FGD4: variants seen among roughly 807,000 people sequenced by gnomAD.
FGD4 encodes FYVE, RhoGEF and PH domain containing 4.
In FGD4, 42 loss-of-function variants were observed where a neutral mutation model predicts 102.0. The ratio of observed to expected loss-of-function variants is 0.41; its 90% confidence interval spans 0.32 to 0.53. FGD4 has a LOEUF of 0.53. Among genes scored for constraint, FGD4 ranks in the 20% least tolerant of loss-of-function variants. The pLI is 0.21. For synonymous variants in FGD4, 380 were observed against 375.7 expected (o/e 1.01, Z -0.13); for missense variants, 902 against 1,078.2 (o/e 0.84, Z 2.29).
At chr12:32,524,823 CAA>C (rs58484492) in intron 1 of FGD4, among the ~76,000 whole-genome samples, 36,863 of 126,436 alleles carry the variant, frequency 0.29, 5,125 homozygotes, top group Middle Eastern at 0.52. Flanking sequence ...GACACTGTTT[CAA>C]AAAAAAAAAA....
At position 32,561,088 on chromosome 12, in the gene FGD4, T is replaced by TG. The variant is rs1555203490; in HGVS notation, c.167-3049_167-3048insG. Among the ~76,000 whole-genome samples, 1,172 of 124,030 alleles carry TG rather than the reference T, an allele frequency of 9.4e-3. 26 individuals carry two copies. Among genetic ancestry groups the TG allele is most frequent in the African/African-American group, 0.033 (1,098 of 33,058 alleles). The allele number at this position is 124,030 out of a possible 152,430, so 81.4% of individuals were successfully genotyped here. A position where few individuals can be genotyped will look rare whatever the true frequency, so the allele number is the denominator to read the frequency against. On this transcript the variant is annotated intron_variant, in intron 1 of 16. Transcript: ENST00000534526. ...TTGTTGGGTTTTGTTTTTTTTTTTT[T>TG]TTTTTTTTTTTTTGAGATGGAGTTT...
chr12:32,621,342 G>A (rs1237462179), intron 11 of FGD4, among the ~76,000 whole-genome samples: 1 of 152,052 alleles, frequency 6.6e-6, no homozygotes, highest in Admixed American at 6.6e-5. Context: ...CTAATGCATG[G>A]CCTGGTAAAA....
chr12:32,460,806 A>T (rs1943083856), intron 1 of FGD4, among the ~76,000 whole-genome samples: 1 of 152,226 alleles, frequency 6.6e-6, no homozygotes, highest in Admixed American at 6.5e-5. Context: ...TTGCCATTTT[A>T]TAGTCAGCAA....
chr12:32,598,666 A>C lies in FGD4; in HGVS notation c.1101+80A>C. Reference sequence around the variant, plus strand: ...ACCTAGTAATTAGAGTATTTTAGAAACTGCATGAAGGAAGGGCCTGTTTTT... The same window carrying C: ...ACCTAGTAATTAGAGTATTTTAGAACCTGCATGAAGGAAGGGCCTGTTTTT... On this transcript the variant is annotated intron_variant, in intron 5 of 16. Coordinates refer to ENST00000534526, the MANE Select transcript of FGD4 (RefSeq NM_001370298.3). The C allele has an allele frequency of 2.5e-6, 3 of 1,220,734 alleles. No homozygotes were observed. In the South Asian group the frequency reaches 3.7e-5, roughly 15 times the overall value. The allele number at this position is 1,220,734 out of a possible 1,614,324, so 75.6% of individuals were successfully genotyped here.
At chr12:32,564,055 G>A in intron 1 of FGD4, 82 bp from the exon 2 acceptor site, 3 of 1,323,270 alleles carry the variant, frequency 2.3e-6, no homozygotes, top group Non-Finnish European at 3.0e-6. Context: ...GAGAGGGAGT[G>A]GGAGAGGGGA....
chr12:32,599,948 G>A (rs946248184), intron 5 of FGD4, among the ~76,000 whole-genome samples: 1 of 152,108 alleles, frequency 6.6e-6, no homozygotes, highest in African/African-American at 2.4e-5. Context: ...ATGTTAGAGT[G>A]TTACTTATAA....
intron 1 of FGD4, among the ~76,000 whole-genome samples, chr12:32,492,790 T>C (rs1467781036): frequency 6.6e-6 from 1 of 152,228 alleles, no homozygotes; most frequent in African/African-American, 2.4e-5. Context: ...CTTATTTTTT[T>C]TTGGTATAAA....
At chr12:32,487,098 T>G (rs1943930838) in intron 1 of FGD4, among the ~76,000 whole-genome samples, 1 of 152,216 alleles carries the variant, frequency 6.6e-6, no homozygotes, top group Admixed American at 6.5e-5. Context: ...ACAGGTACCT[T>G]AATTAACACA....
chr12:32,534,314 C>A, intron 1 of FGD4: 1 of 1,355,500 alleles, frequency 7.4e-7, no homozygotes, highest in Non-Finnish European at 9.5e-7. Flanking sequence ...GAAGAATGCA[C>A]TGAAGTCATA....
At chr12:32,438,790 A>T (rs1221280771) in intron 1 of FGD4, among the ~76,000 whole-genome samples, 3 of 151,806 alleles carry the variant, frequency 2.0e-5, no homozygotes, top group African/African-American at 4.8e-5. Context: ...TGTTTTTTTT[A>T]GTAGAGACGG....
At chr12:32,431,701 A>G (rs1942051067) in intron 1 of FGD4, among the ~76,000 whole-genome samples, 1 of 151,652 alleles carries the variant, frequency 6.6e-6, no homozygotes, top group African/African-American at 2.4e-5. Context: ...TGAGCCTGGG[A>G]GGTGGAGGTT....
At chr12:32,502,433 T>G in intron 1 of FGD4, 1 of 758,794 alleles carries the variant, frequency 1.3e-6, no homozygotes, top group Non-Finnish European at 1.6e-6. Flanking sequence ...CTAAGCTCTT[T>G]TTAAAGAAAC....
intron 1 of FGD4, among the ~76,000 whole-genome samples, chr12:32,405,111 T>C (rs1940869642): frequency 6.6e-6 from 1 of 151,588 alleles, no homozygotes; most frequent in Admixed American, 6.6e-5. Flanking sequence ...TTTTTTGTAT[T>C]TTTAGTAGAG....
chr12:32,530,886 A>G (rs994388331), intron 1 of FGD4, among the ~76,000 whole-genome samples: 8 of 150,958 alleles, frequency 5.3e-5, no homozygotes, highest in African/African-American at 2.0e-4. Context: ...GGATATACCA[A>G]AAATTATTTA....
At chr12:32,519,739 A>G (rs1246968850) in intron 1 of FGD4, among the ~76,000 whole-genome samples, 3 of 152,212 alleles carry the variant, frequency 2.0e-5, no homozygotes, top group African/African-American at 7.2e-5. Context: ...GGAGTTCGAG[A>G]CCAGCCTAGC....
chr12:32,546,237 AT>A (rs1172200263), intron 1 of FGD4, among the ~76,000 whole-genome samples: 1 of 152,124 alleles, frequency 6.6e-6, no homozygotes, highest in Non-Finnish European at 1.5e-5. Flanking sequence ...TCTTCTTCTC[AT>A]TATTTTAAAG....
chr12:32,537,597 C>T (rs1942405106), intron 1 of FGD4, among the ~76,000 whole-genome samples: 1 of 152,218 alleles, frequency 6.6e-6, no homozygotes, highest in Non-Finnish European at 1.5e-5. Flanking sequence ...ATCCCTACCC[C>T]TTAACTTTCT....
At chr12:32,468,031 T>A (rs115389868) in intron 1 of FGD4, among the ~76,000 whole-genome samples, 18,473 of 151,764 alleles carry the variant, frequency 0.12, 1,243 homozygotes, top group Middle Eastern at 0.29. Flanking sequence ...AAATTTTTTT[T>A]AATTTTTATT....
At chr12:32,514,312 G>T (rs1012427900) in intron 1 of FGD4, among the ~76,000 whole-genome samples, 4 of 152,100 alleles carry the variant, frequency 2.6e-5, no homozygotes, top group African/African-American at 9.7e-5. Context: ...TTCTTTTTTT[G>T]AAATGTAAGA....
Sources: gnomAD v4.1 joint callset for allele counts (sites outside exome capture counted in the v4.1 genomes callset) on GRCh38, gnomAD v4.1.1 for gene constraint, MANE v1.5 for transcripts, NCBI Gene and HGNC (gene_info 2026-07-23, HGNC 2026-07-21) for gene names.